COL22A1: variants seen among roughly 807,000 people sequenced by gnomAD.
The protein encoded by COL22A1 is collagen alpha-1(XXII) chain.
Under a neutral mutation model 248.9 loss-of-function variants are expected in COL22A1, and 221 were observed. The observed-to-expected ratio is 0.89, with a 90% CI of 0.80 to 0.99. The LOEUF (loss-of-function observed/expected upper bound fraction) is 0.99, where lower values mean the gene tolerates loss of function less well. COL22A1 is among the 50% of genes least tolerant of loss of function. The pLI, the probability that COL22A1 is intolerant of heterozygous loss-of-function variation, is 0.00. For synonymous variants in COL22A1, 891 were observed against 793.4 expected (o/e 1.12, Z -2.07); for missense variants, 2,240 against 2,179.0 (o/e 1.03, Z -0.56).
At chr8:138,660,577 T>G (rs1823733716) in intron 43 of COL22A1, 97 bp from the exon 44 acceptor site, 5 of 1,092,788 alleles carry the variant, frequency 4.6e-6, no homozygotes, top group Non-Finnish European at 6.9e-6. Flanking sequence ...CTGCTAAGTG[T>G]AACTCAGTGG....
At chr8:138,619,838 C>T (rs1462963612) in intron 52 of COL22A1, among the ~76,000 whole-genome samples, 3 of 152,158 alleles carry the variant, frequency 2.0e-5, no homozygotes, top group South Asian at 2.1e-4. Flanking sequence ...CGACTTTATG[C>T]CCACTTGCAA....
intron 1 of COL22A1, among the ~76,000 whole-genome samples, chr8:138,889,584 G>A (rs1824906818): frequency 6.6e-6 from 1 of 152,020 alleles, no homozygotes; most frequent in Non-Finnish European, 1.5e-5. Context: ...GAGTGGGGAG[G>A]GATAGCATTA....
At position 138,649,744 on chromosome 8, in the gene COL22A1, C is replaced by T; in HGVS notation, c.3368G>A (p.Gly1123Asp). 6.2e-7 allele frequency: 1 copy of T among 1,607,004 alleles called. No homozygotes were observed. Among genetic ancestry groups the T allele is most frequent in the Non-Finnish European group, 8.5e-7 (1 of 1,177,200 alleles). ...TTTAAAACCTGGTAGACCAGGGAGG[C>T]CTGGGGGGCCAGGAGGGCAGTCATT... Reference protein sequence around the residue: ...VCNDCPPGPPGLPGLPGFKGD... With the variant: ...VCNDCPPGPPDLPGLPGFKGD... The change falls in exon 46 of 65, where the codon GGC (glycine) becomes GAC (aspartate). Residue 1123 changes from glycine to aspartate, a missense_variant. Physicochemically the swap from Gly to Asp is moderately conservative, Grantham distance 94 (BLOSUM62 -1). Transcript: ENST00000303045.
At chr8:138,797,757 G>A in intron 11 of COL22A1, among the ~76,000 whole-genome samples, 1 of 152,108 alleles carries the variant, frequency 6.6e-6, no homozygotes, top group East Asian at 1.9e-4. Flanking sequence ...TTATTGAAAA[G>A]GAGGTATTGA....
intron 49 of COL22A1, among the ~76,000 whole-genome samples, chr8:138,634,414 C>T (rs921064411): frequency 3.9e-5 from 6 of 152,044 alleles, no homozygotes; most frequent in Non-Finnish European, 7.4e-5. Flanking sequence ...ATTTCCAGTG[C>T]CTGTTGCCAT....
intron 35 of COL22A1, among the ~76,000 whole-genome samples, chr8:138,691,837 T>C (rs1484315649): frequency 1.3e-4 from 4 of 30,352 alleles, no homozygotes; most frequent in Non-Finnish European, 2.9e-4. Flanking sequence ...GGTGTGTGTA[T>C]GTGGAGGTGT....
chr8:138,665,241 C>G (rs1374040976), intron 41 of COL22A1, among the ~76,000 whole-genome samples: 1 of 152,180 alleles, frequency 6.6e-6, no homozygotes, highest in Non-Finnish European at 1.5e-5. Flanking sequence ...TGGAGGGGAG[C>G]AGGACTCTGA....
intron 47 of COL22A1, among the ~76,000 whole-genome samples, chr8:138,643,711 A>T (rs187215290): frequency 0.037 from 5,580 of 149,956 alleles, 221 homozygotes; most frequent in African/African-American, 0.098. Context: ...ATTTTAAAAA[A>T]TTTTTTTTTC....
intron 35 of COL22A1, 132 bp from the exon 36 acceptor site, chr8:138,691,006 G>T: frequency 1.5e-6 from 1 of 654,902 alleles, no homozygotes. Flanking sequence ...GACAGCCTCT[G>T]CAGACGTGAA....
At chr8:138,711,294 G>A (rs955469385) in intron 30 of COL22A1, among the ~76,000 whole-genome samples, 1 of 152,228 alleles carries the variant, frequency 6.6e-6, no homozygotes, top group Admixed American at 6.5e-5. Context: ...CGTGAAGGGA[G>A]AAGCAGAGGC....
chr8:138,676,458 G>GA (rs1564179990), intron 41 of COL22A1, 100 bp downstream of exon 41: 253 of 155,658 alleles, frequency 1.6e-3, no homozygotes, highest in African/African-American at 0.011. Context: ...AGAAAGAAAG[G>GA]AAGAAAGAAA....
intron 45 of COL22A1, among the ~76,000 whole-genome samples, chr8:138,653,707 C>G (rs1822959926): frequency 6.6e-6 from 1 of 152,190 alleles, no homozygotes; most frequent in African/African-American, 2.4e-5. Flanking sequence ...AGTTATAAAA[C>G]TCTCTGGGGC....
intron 47 of COL22A1, among the ~76,000 whole-genome samples, chr8:138,645,521 T>C (rs1332329115): frequency 2.6e-5 from 4 of 152,208 alleles, no homozygotes; most frequent in African/African-American, 9.6e-5. Flanking sequence ...AGACAACAAC[T>C]GAGGTATCAC....
intron 64 of COL22A1, 78 bp from the exon 65 acceptor site, chr8:138,589,518 C>A: frequency 8.3e-7 from 1 of 1,206,128 alleles, no homozygotes; most frequent in Non-Finnish European, 1.1e-6. Flanking sequence ...TCACAGCTTC[C>A]ATTCACTATG....
intron 16 of COL22A1, among the ~76,000 whole-genome samples, chr8:138,774,476 A>G (rs1437454951): frequency 6.9e-6 from 1 of 145,420 alleles, no homozygotes; most frequent in African/African-American, 2.6e-5. Flanking sequence ...TGGAGTGCAG[A>G]TGCACAATCT....
At chr8:138,884,715 C>T (rs1036987536) in intron 1 of COL22A1, among the ~76,000 whole-genome samples, 2 of 152,158 alleles carry the variant, frequency 1.3e-5, no homozygotes, top group African/African-American at 2.4e-5. Flanking sequence ...CGTGCCACCA[C>T]TAGCACCCTG....
chr8:138,663,005 G>A (rs182031994), intron 42 of COL22A1, among the ~76,000 whole-genome samples: 301 of 29,008 alleles, frequency 0.01, 2 homozygotes, highest in Middle Eastern at 0.067. Context: ...GACAGAGCAG[G>A]ACTCTGTCAC....
At chr8:138,601,401 A>G (rs1198150774) in intron 60 of COL22A1, among the ~76,000 whole-genome samples, 1 of 151,986 alleles carries the variant, frequency 6.6e-6, no homozygotes, top group African/African-American at 2.4e-5. Context: ...GCCGAGATAA[A>G]TTCTTTTCAG....
intron 19 of COL22A1, 96 bp from the exon 20 acceptor site, chr8:138,755,607 T>G: frequency 7.0e-7 from 1 of 1,434,434 alleles, no homozygotes; most frequent in Non-Finnish European, 9.8e-7. Flanking sequence ...TCACAGGCCA[T>G]GCTGTCATGT....
Sources: gnomAD v4.1 joint callset for allele counts (sites outside exome capture counted in the v4.1 genomes callset) on GRCh38, gnomAD v4.1.1 for gene constraint, MANE v1.5 for transcripts, NCBI Gene and HGNC (gene_info 2026-07-23, HGNC 2026-07-21) for gene names.